Variants in EDAR observed in about 807,000 individuals in gnomAD.
The protein encoded by EDAR is ectodysplasin A receptor.
Under a neutral mutation model 51.3 loss-of-function variants are expected in EDAR, and 38 were observed. The observed-to-expected ratio is 0.74, with a 90% CI of 0.57 to 0.97. The LOEUF (loss-of-function observed/expected upper bound fraction) is 0.97, where lower values mean the gene tolerates loss of function less well. EDAR is among the 50% of genes least tolerant of loss of function. EDAR has a pLI of 0.00. For synonymous variants in EDAR, 227 were observed against 242.1 expected, an observed-to-expected ratio of 0.94 and a Z score of 0.58; for missense variants, 528 against 595.0, an observed-to-expected ratio of 0.89 and a Z score of 1.17.
chr2:108,927,609 C>T (rs1273371108), intron 4 of EDAR, among the ~76,000 whole-genome samples: 4 of 152,128 alleles, frequency 2.6e-5, no homozygotes, highest in African/African-American at 9.7e-5. Flanking sequence ...GTGCACCCAC[C>T]CTCTCCCTGC....
intron 1 of EDAR, among the ~76,000 whole-genome samples, chr2:108,973,263 C>T (rs1366209420): frequency 1.3e-5 from 2 of 152,230 alleles, no homozygotes; most frequent in Non-Finnish European, 2.9e-5. Context: ...TCTGGGATTA[C>T]AGGCATGAGC....
chr2:108,896,952 C>A lies in EDAR; in HGVS notation c.1302G>T (p.Trp434Cys), dbSNP rs528478080. 3 of 1,613,554 alleles carry A rather than the reference C, an allele frequency of 1.9e-6. No homozygotes were observed. In the African/African-American group the frequency reaches 4.0e-5, roughly 22 times the overall value. ...VESLCADILEWAGVVPPASQP... is the reference protein window; with the variant it reads ...VESLCADILECAGVVPPASQP... ...GGGAGGCAGGTGGCACAACCCCCGC[C>A]CACTCCAGTATGTCTGCACACAAGG... Residue 434 changes from tryptophan to cysteine, a missense_variant, in exon 12 of 12, where the codon TGG (tryptophan) becomes TGT (cysteine). Physicochemically the swap from Trp to Cys is radical, Grantham distance 215 (BLOSUM62 -2). Coordinates refer to ENST00000258443, the MANE Select transcript of EDAR (RefSeq NM_022336.4).
rs141067689 is a variant in EDAR at position 108,897,216 on chromosome 2, C to T, written c.1038G>A (p.Thr346=). 2.1e-5 allele frequency: 34 copies of T among 1,613,456 alleles called. 1 individual carries two copies. Among genetic ancestry groups the T allele is most frequent in the African/African-American group, 5.3e-5 (4 of 74,852 alleles). The part of the protein sequence containing the change: ...VCGVVEGLSP[T]ELPFDCLEKT... ...TCTCGAGGCAATCAAATGGCAGCTC[C>T]GTGGGGCTAAGACCTACAGACACCA... Residue 346 remains threonine, a synonymous_variant, in exon 12 of 12, where the codon ACG becomes ACA. Transcript: ENST00000258443.
intron 5 of EDAR, among the ~76,000 whole-genome samples, chr2:108,915,873 G>A (rs1697017789): frequency 6.6e-6 from 1 of 151,758 alleles, no homozygotes; most frequent in Non-Finnish European, 1.5e-5. Context: ...CTCCATGCTG[G>A]GCAACAAGAG....
At chr2:108,958,026 T>C (rs374985498) in intron 1 of EDAR, among the ~76,000 whole-genome samples, 1 of 151,916 alleles carries the variant, frequency 6.6e-6, no homozygotes, top group Admixed American at 6.6e-5. Flanking sequence ...TAAAAAAAAA[T>C]CAAAACTGTT....
chr2:108,924,999 C>T lies in EDAR; in HGVS notation c.357-1546G>A, dbSNP rs74818624. 6.6e-3 allele frequency among the ~76,000 whole-genome samples: 1,011 copies of T among 152,358 alleles called. 10 individuals are homozygous for T. Among genetic ancestry groups the T allele is most frequent in the African/African-American group, 0.023 (966 of 41,588 alleles). ...GGTGGCCACCTGCTCCCCATCTCAC[C>T]TCCTCTGTGCCTCACTTCCTCGCCC... is the stretch of plus-strand genomic sequence containing the variant. On this transcript the variant is annotated intron_variant, in intron 4 of 11. Coordinates refer to ENST00000258443, the MANE Select transcript of EDAR (RefSeq NM_022336.4).
chr2:108,905,011 G>A (rs1436577814), intron 11 of EDAR, among the ~76,000 whole-genome samples: 8 of 152,172 alleles, frequency 5.3e-5, no homozygotes, highest in Non-Finnish European at 4.4e-5. Context: ...CCACTGCATG[G>A]TAAGAAGTAT....
rs758863885 is a variant in EDAR at position 108,912,730 on chromosome 2, G to A, written c.477C>T (p.Phe159=). The A allele has an allele frequency of 6.2e-7, 1 of 1,601,836 alleles. No individual in the cohort carries two copies. Among genetic ancestry groups the A allele is most frequent in the South Asian group, 1.1e-5 (1 of 88,034 alleles). ...VGATSGASAN[F]PGTSGSSTLS... ...GGGTGCTGCTGCCCGAGGTGCCAGGGAAGTTGGCAGAAGCTCCTGAAGTGG... is the reference window on the plus strand; with the variant it reads ...GGGTGCTGCTGCCCGAGGTGCCAGGAAAGTTGGCAGAAGCTCCTGAAGTGG... Residue 159 remains phenylalanine, a synonymous_variant, in exon 6 of 12, where the codon TTC becomes TTT. Transcript: ENST00000258443.
chr2:108,977,278 C>T (rs1031868109), intron 1 of EDAR, among the ~76,000 whole-genome samples: 40 of 151,868 alleles, frequency 2.6e-4, no homozygotes, highest in Non-Finnish European at 3.7e-4. Flanking sequence ...CTCGCCTTTT[C>T]TTTTTTTTGA....
chr2:108,939,190 G>A (rs954874625), intron 1 of EDAR, among the ~76,000 whole-genome samples: 2 of 151,674 alleles, frequency 1.3e-5, no homozygotes, highest in African/African-American at 4.9e-5. Flanking sequence ...TGTTGTTGTT[G>A]TTTTTGAGAT....
At chr2:108,948,245 C>G (rs763354583) in intron 1 of EDAR, among the ~76,000 whole-genome samples, 2 of 152,224 alleles carry the variant, frequency 1.3e-5, no homozygotes, top group Non-Finnish European at 2.9e-5. Flanking sequence ...TAAGCCTGGA[C>G]TTCATTGTCC....
intron 1 of EDAR, among the ~76,000 whole-genome samples, chr2:108,958,715 C>G (rs915799745): frequency 1.1e-4 from 16 of 152,194 alleles, no homozygotes; most frequent in African/African-American, 3.9e-4. Flanking sequence ...TGGAACACCC[C>G]TAGATATCTG....
chr2:108,947,204 C>T (rs778414870), intron 1 of EDAR, among the ~76,000 whole-genome samples: 3 of 152,242 alleles, frequency 2.0e-5, no homozygotes, highest in Non-Finnish European at 2.9e-5. Flanking sequence ...GACTCCATGT[C>T]TCACATCCAG....
intron 1 of EDAR, among the ~76,000 whole-genome samples, chr2:108,980,847 C>T (rs923964309): frequency 1.3e-5 from 2 of 152,166 alleles, no homozygotes; most frequent in Non-Finnish European, 2.9e-5. Flanking sequence ...TGGGGGCTGG[C>T]AGAGCCTGCT....
intron 1 of EDAR, among the ~76,000 whole-genome samples, chr2:108,968,109 C>T (rs1383042371): frequency 6.6e-6 from 1 of 152,168 alleles, no homozygotes; most frequent in Non-Finnish European, 1.5e-5. Context: ...GGGATAATAT[C>T]ACCTGATTTT....
intron 3 of EDAR, 46 bp downstream of exon 3, chr2:108,930,074 G>T (rs764313261): frequency 6.3e-7 from 1 of 1,587,124 alleles, no homozygotes; most frequent in African/African-American, 1.3e-5. Context: ...CAAGCAGGAG[G>T]CCTCCCCTGA....
Position 108,895,486 on chromosome 2 carries a change from T to G in EDAR, c.*1421A>C, listed in dbSNP as rs915087368. On this transcript the variant is annotated 3_prime_UTR_variant, in exon 12 of 12. Coordinates refer to ENST00000258443, the MANE Select transcript of EDAR (RefSeq NM_022336.4). ...CAAGAACAATGCCAGTTTATTAACT[T>G]TCTGCCTATAAATGTTATGTCAAAC... 1.3e-5 allele frequency: 2 copies of G among 152,288 alleles called. No individual in the cohort carries two copies. Among genetic ancestry groups the G allele is most frequent in the African/African-American group, 4.8e-5 (2 of 41,446 alleles). The allele number at this position is 152,288 out of a possible 1,614,324, so 9.4% of individuals were successfully genotyped here. A position where few individuals can be genotyped will look rare whatever the true frequency, so the allele number is the denominator to read the frequency against.
chr2:108,958,606 C>T (rs951145238), intron 1 of EDAR, among the ~76,000 whole-genome samples: 2 of 152,096 alleles, frequency 1.3e-5, no homozygotes, highest in African/African-American at 4.8e-5. Flanking sequence ...CCCTATTGCT[C>T]GGGACAGCTA....
intron 1 of EDAR, among the ~76,000 whole-genome samples, chr2:108,941,515 C>T (rs113239454): frequency 6.6e-6 from 1 of 152,182 alleles, no homozygotes; most frequent in Non-Finnish European, 1.5e-5. Flanking sequence ...CCCTTCCTGA[C>T]CAGCTGGCAG....
Sources: allele counts gnomAD v4.1 joint callset (sites outside exome capture counted in the v4.1 genomes callset), GRCh38; gene constraint gnomAD v4.1.1; transcripts MANE v1.5; gene names NCBI Gene and HGNC (gene_info 2026-07-23, HGNC 2026-07-21).